Variants in PLD1 observed in about 807,000 individuals in gnomAD.
PLD1 encodes choline phosphatase 1.
PLD1 carries 112 observed loss-of-function variants against 137.1 expected under a neutral mutation model. The ratio of observed to expected loss-of-function variants is 0.82; its 90% CI spans 0.70 to 0.96. The LOEUF is 0.96. Ranked by LOEUF, PLD1 falls within the 40% of genes least tolerant of loss-of-function variation. PLD1 has a pLI of 0.00. For synonymous variants in PLD1, 431 were observed against 454.7 expected (o/e 0.95, Z 0.66); for missense variants, 1,321 against 1,342.0 (o/e 0.98, Z 0.24).
In PLD1 at chr3:171,669,986, T is replaced by C. The variant is rs142126761; in HGVS notation, c.2229+4514A>G. On this transcript the variant is annotated intron_variant, in intron 19 of 26. Coordinates refer to ENST00000351298, the MANE Select transcript of PLD1 (RefSeq NM_002662.5). ...CCTTATATTTTTCTTCACAATTAAA[T>C]AAGCTTGTGGCTTCTAAGTTACATT... 4.1e-3 allele frequency among the ~76,000 whole-genome samples: 632 copies of C among 152,346 alleles called. 1 individual carries two copies. The highest frequency in any genetic ancestry group is 7.3e-3 in the Non-Finnish European group (499 of 68,022).
intron 16 of PLD1, among the ~76,000 whole-genome samples, chr3:171,685,006 C>T (rs1307786086): frequency 3.9e-5 from 6 of 152,240 alleles, no homozygotes; most frequent in Non-Finnish European, 4.4e-5. Context: ...TTTTAAAATG[C>T]AGCGTAGCTG....
At chr3:171,606,741 C>T (rs150717789) in intron 25 of PLD1, among the ~76,000 whole-genome samples, 3 of 152,246 alleles carry the variant, frequency 2.0e-5, no homozygotes, top group East Asian at 1.9e-4. Flanking sequence ...TTTCCTATCA[C>T]GTGAAATTTA....
At chr3:171,671,157 C>T (rs988534591) in intron 19 of PLD1, among the ~76,000 whole-genome samples, 2 of 152,136 alleles carry the variant, frequency 1.3e-5, no homozygotes, top group Admixed American at 6.5e-5. Context: ...GATTTGTTAG[C>T]GTGAAAATGC....
intron 12 of PLD1, among the ~76,000 whole-genome samples, chr3:171,695,618 T>C (rs1715614004): frequency 6.6e-6 from 1 of 152,234 alleles, no homozygotes; most frequent in South Asian, 2.1e-4. Flanking sequence ...AAAATTTTTA[T>C]AGTGGAAATC....
intron 8 of PLD1, among the ~76,000 whole-genome samples, chr3:171,722,788 T>A (rs1032405150): frequency 6.6e-6 from 1 of 152,160 alleles, no homozygotes; most frequent in Non-Finnish European, 1.5e-5. Context: ...ACCGTCTTAT[T>A]TCAGAATATT....
At position 171,659,143 on chromosome 3, in the gene PLD1, C is replaced by T. The variant is rs575671517; in HGVS notation, c.2429+70G>A. 1,611 of 1,061,920 alleles carry T rather than the reference C, an allele frequency of 1.5e-3. 6 individuals carry two copies. In the Middle Eastern group the frequency reaches 0.018, roughly 12 times the overall value. The allele number at this position is 1,061,920 out of a possible 1,614,324, so 65.8% of individuals were successfully genotyped here. On this transcript the variant is annotated intron_variant, in intron 21 of 26. Coordinates refer to ENST00000351298, the MANE Select transcript of PLD1 (RefSeq NM_002662.5). Reference sequence around the variant, plus strand: ...GAAATGACAGTACTTTAAAAATGGGCTTTGCAAAGTCATTTTAGTAATAAA... The same window carrying T: ...GAAATGACAGTACTTTAAAAATGGGTTTTGCAAAGTCATTTTAGTAATAAA...
chr3:171,654,065 C>T, intron 21 of PLD1: 1 of 380,578 alleles, frequency 2.6e-6, no homozygotes, highest in Admixed American at 3.2e-5. Flanking sequence ...CTTTGGGAGG[C>T]CGAGGTGGGC....
At chr3:171,632,210 C>T (rs2108335743) in intron 23 of PLD1, among the ~76,000 whole-genome samples, 1 of 152,202 alleles carries the variant, frequency 6.6e-6, no homozygotes, top group African/African-American at 2.4e-5. Context: ...GAGGGACAGT[C>T]TATAGAGCAA....
chr3:171,664,689 C>A (rs904157743), intron 19 of PLD1, among the ~76,000 whole-genome samples: 1 of 152,098 alleles, frequency 6.6e-6, no homozygotes, highest in Non-Finnish European at 1.5e-5. Context: ...GAACTCCTGA[C>A]CTCAAGTGAT....
At chr3:171,639,848 C>CTCTCTCTCTATATATATATATA (rs3050415) in intron 23 of PLD1, among the ~76,000 whole-genome samples, 3 of 110,190 alleles carry the variant, frequency 2.7e-5, no homozygotes, top group African/African-American at 1.2e-4. Flanking sequence ...CTCTCTCTCT[C>CTCTCTCTCTATATATATATATA]TATATATATA....
At chr3:171,783,964 C>A (rs915780574) in intron 1 of PLD1, among the ~76,000 whole-genome samples, 8 of 152,174 alleles carry the variant, frequency 5.3e-5, no homozygotes, top group African/African-American at 1.9e-4. Context: ...TTAACTGTAA[C>A]ACTCTCCAGC....
intron 23 of PLD1, among the ~76,000 whole-genome samples, chr3:171,633,162 G>A (rs1409410180): frequency 6.6e-6 from 1 of 151,984 alleles, no homozygotes; most frequent in African/African-American, 2.4e-5. Flanking sequence ...TATACGGAAA[G>A]AAGAAAAAAC....
chr3:171,639,210 A>G (rs1224297054), intron 23 of PLD1, among the ~76,000 whole-genome samples: 2 of 145,066 alleles, frequency 1.4e-5, no homozygotes, highest in East Asian at 4.0e-4. Flanking sequence ...TTATTTATAT[A>G]TAGCACATAA....
rs1413490522 is a variant in PLD1 at position 171,752,096 on chromosome 3, A to G, written c.-31-14014T>C. On this transcript the variant is annotated intron_variant, in intron 1 of 26. Coordinates refer to ENST00000351298, the MANE Select transcript of PLD1 (RefSeq NM_002662.5). ...ATGAATGTTTTAAATGGAATGCTAT[A>G]CAGCAGAGAAAATAAGTGCATTAGA... Among the ~76,000 whole-genome samples the G allele has an allele frequency of 2.6e-5, 4 of 152,240 alleles. No homozygotes were observed. In the East Asian group the frequency reaches 7.7e-4, roughly 29 times the overall value.
At chr3:171,738,298 C>G (rs9824139) in intron 1 of PLD1, among the ~76,000 whole-genome samples, 3 of 137,836 alleles carry the variant, frequency 2.2e-5, no homozygotes, top group African/African-American at 8.0e-5. Context: ...TAATTGAAAA[C>G]AAGAGAAAAA....
intron 1 of PLD1, among the ~76,000 whole-genome samples, chr3:171,744,162 A>G (rs1719972375): frequency 6.6e-6 from 1 of 152,116 alleles, no homozygotes; most frequent in Admixed American, 6.5e-5. Flanking sequence ...ATGTCAAATG[A>G]TCCTCACAGC....
At chr3:171,742,856 T>C (rs1719881808) in intron 1 of PLD1, among the ~76,000 whole-genome samples, 2 of 152,196 alleles carry the variant, frequency 1.3e-5, no homozygotes. Context: ...ATAAAGTAAA[T>C]GATATTAACA....
At chr3:171,772,206 A>G (rs1722394802) in intron 1 of PLD1, among the ~76,000 whole-genome samples, 1 of 152,244 alleles carries the variant, frequency 6.6e-6, no homozygotes, top group Non-Finnish European at 1.5e-5. Context: ...TTTCAACTCC[A>G]AGAACAGTTT....
intron 22 of PLD1, among the ~76,000 whole-genome samples, chr3:171,644,020 G>T (rs1424003126): frequency 6.6e-6 from 1 of 152,060 alleles, no homozygotes; most frequent in Non-Finnish European, 1.5e-5. Flanking sequence ...TGGCGAGGGG[G>T]CCCAAGCAGG....
Sources: gnomAD v4.1 joint callset for allele counts (sites outside exome capture counted in the v4.1 genomes callset) on GRCh38, gnomAD v4.1.1 for gene constraint, MANE v1.5 for transcripts, NCBI Gene and HGNC (gene_info 2026-07-23, HGNC 2026-07-21) for gene names.